DST: variants seen among roughly 807,000 people sequenced by gnomAD.
DST encodes bullous pemphigoid antigen.
DST carries 253 observed loss-of-function variants against 875.2 expected under a neutral mutation model. The observed-to-expected ratio is 0.29, with a 90% CI of 0.26 to 0.32. DST has a LOEUF of 0.32. Among genes scored for constraint, DST ranks in the 10% least tolerant of loss-of-function variants. DST has a pLI of 1.00. For synonymous variants in DST, 3,124 were observed against 3,197.1 expected (o/e 0.98, Z 0.77); for missense variants, 8,287 against 9,111.6 (o/e 0.91, Z 3.68).
chr6:56,848,991 A>T (rs1763532545), intron 4 of DST, among the ~76,000 whole-genome samples: 1 of 152,026 alleles, frequency 6.6e-6, no homozygotes, highest in African/African-American at 2.4e-5. Flanking sequence ...GTGAGCCAAG[A>T]TTATGCCACT....
intron 4 of DST, among the ~76,000 whole-genome samples, chr6:56,790,483 TATTA>T (rs950529622): frequency 1.9e-4 from 29 of 152,168 alleles, no homozygotes; most frequent in Admixed American, 1.9e-3. Context: ...TAAAGCCTAT[TATTA>T]ATCTCAGAAT....
At chr6:56,597,664 T>C (rs1213568906) in intron 47 of DST, 76 bp downstream of exon 47, 8 of 1,455,496 alleles carry the variant, frequency 5.5e-6, no homozygotes, top group Non-Finnish European at 7.4e-6. Flanking sequence ...TGAAAAGAAC[T>C]CATGTGCTAG....
At chr6:56,842,838 C>T (rs543442189) in intron 4 of DST, among the ~76,000 whole-genome samples, 4 of 152,244 alleles carry the variant, frequency 2.6e-5, no homozygotes, top group African/African-American at 7.2e-5. Flanking sequence ...CCCTCTCTAC[C>T]GCTCATCTAA....
intron 27 of DST, among the ~76,000 whole-genome samples, chr6:56,633,564 G>A (rs1482627497): frequency 1.3e-5 from 2 of 149,182 alleles, no homozygotes; most frequent in Non-Finnish European, 3.0e-5. Context: ...GCTGGAGCGC[G>A]ATCTCAGCTC....
chr6:56,694,562 G>A (rs1298360063), intron 9 of DST, among the ~76,000 whole-genome samples: 1 of 152,106 alleles, frequency 6.6e-6, no homozygotes, highest in Non-Finnish European at 1.5e-5. Context: ...AAGGTAATGA[G>A]TGGTACATTA....
chr6:56,722,883 G>A (rs1040551186), intron 5 of DST, among the ~76,000 whole-genome samples: 8 of 152,186 alleles, frequency 5.3e-5, no homozygotes, highest in Non-Finnish European at 8.8e-5. Flanking sequence ...CTCTGGCATT[G>A]TATAGCTCTG....
At chr6:56,474,841 C>G (rs2095087783) in intron 92 of DST, among the ~76,000 whole-genome samples, 1 of 151,836 alleles carries the variant, frequency 6.6e-6, no homozygotes, top group Non-Finnish European at 1.5e-5. Flanking sequence ...TGCCTGTAGT[C>G]CCAGCTACAC....
At chr6:56,942,403 C>CT (rs1471482113) in intron 2 of DST, among the ~76,000 whole-genome samples, 1 of 151,790 alleles carries the variant, frequency 6.6e-6, no homozygotes, top group Non-Finnish European at 1.5e-5. Flanking sequence ...CCTGTGTTCC[C>CT]TTTTTCTTGC....
chr6:56,559,491 A>G (rs2097498618), intron 58 of DST, among the ~76,000 whole-genome samples: 11 of 152,116 alleles, frequency 7.2e-5, no homozygotes, highest in Admixed American at 7.2e-4. Flanking sequence ...GAAGGACAAT[A>G]TTTAGTAATG....
intron 2 of DST, among the ~76,000 whole-genome samples, chr6:56,901,716 G>A (rs778322548): frequency 3.9e-5 from 6 of 151,958 alleles, no homozygotes; most frequent in South Asian, 2.1e-4. Context: ...CTGACACATA[G>A]GAAGTGCTTA....
At chr6:56,468,129 A>G (rs569723988) in intron 98 of DST, among the ~76,000 whole-genome samples, 51 of 151,698 alleles carry the variant, frequency 3.4e-4, no homozygotes, top group African/African-American at 1.2e-3. Context: ...ATATGGTCAG[A>G]TACTATAGAT....
intron 10 of DST, among the ~76,000 whole-genome samples, chr6:56,665,686 G>T (rs76617232): frequency 6.6e-6 from 1 of 152,056 alleles, no homozygotes; most frequent in African/African-American, 2.4e-5. Context: ...ACCAGACACT[G>T]GGGACTACTA....
intron 3 of DST, among the ~76,000 whole-genome samples, chr6:56,880,025 T>C (rs913004197): frequency 1.3e-5 from 2 of 152,210 alleles, no homozygotes; most frequent in Non-Finnish European, 2.9e-5. Context: ...ATTCCCACAA[T>C]GAATAGGTAC....
chr6:56,507,970 A>G (rs2096376418), intron 75 of DST, among the ~76,000 whole-genome samples: 1 of 152,128 alleles, frequency 6.6e-6, no homozygotes, highest in Non-Finnish European at 1.5e-5. Context: ...GAGAGAGATA[A>G]TAAGGCCCTG....
intron 85 of DST, among the ~76,000 whole-genome samples, chr6:56,489,861 G>C (rs910836226): frequency 1.3e-5 from 2 of 152,082 alleles, no homozygotes; most frequent in African/African-American, 4.8e-5. Context: ...CTCTAAAAGA[G>C]CCTAGAAAAA....
intron 5 of DST, among the ~76,000 whole-genome samples, chr6:56,725,921 G>C (rs895320426): frequency 5.3e-5 from 8 of 151,606 alleles, no homozygotes; most frequent in Non-Finnish European, 2.9e-5. Context: ...TTTTCCAGGA[G>C]AGTTTTTTTT....
intron 4 of DST, among the ~76,000 whole-genome samples, chr6:56,781,602 T>C (rs1451129204): frequency 6.6e-6 from 1 of 152,244 alleles, no homozygotes; most frequent in Non-Finnish European, 1.5e-5. Context: ...AAGTTGCTTA[T>C]CAGCTTAAGG....
At chr6:56,775,433 C>T (rs1488892598) in intron 4 of DST, among the ~76,000 whole-genome samples, 2 of 152,316 alleles carry the variant, frequency 1.3e-5, no homozygotes, top group East Asian at 1.9e-4. Flanking sequence ...ATTTCACTTA[C>T]TAACTAAAAT....
At chr6:56,805,913 G>A (rs2099752465) in intron 4 of DST, among the ~76,000 whole-genome samples, 1 of 152,178 alleles carries the variant, frequency 6.6e-6, no homozygotes, top group Non-Finnish European at 1.5e-5. Flanking sequence ...AATCATGACT[G>A]TACAAAAATG....
Sources: allele counts gnomAD v4.1 joint callset (sites outside exome capture counted in the v4.1 genomes callset), GRCh38; gene constraint gnomAD v4.1.1; transcripts MANE v1.5; gene names NCBI Gene and HGNC (gene_info 2026-07-23, HGNC 2026-07-21).